Variants in OVCH1 observed in about 807,000 individuals in gnomAD.
OVCH1 encodes the protein ovochymase-1.
OVCH1 carries 139 observed loss-of-function variants against 138.4 expected under a neutral mutation model. The ratio of observed to expected loss-of-function variants is 1.00; its 90% confidence interval spans 0.87 to 1.16. OVCH1 has a LOEUF of 1.16. Among genes scored for constraint, OVCH1 ranks in the 50% most tolerant of loss-of-function variants. The pLI is 0.00. For synonymous variants in OVCH1, 453 were observed against 467.8 expected (o/e 0.97, Z 0.41); for missense variants, 1,367 against 1,357.9 (o/e 1.01, Z -0.11).
chr12:29,464,687 G>A (rs1942256630), exon 18 of OVCH1: 1 of 1,612,412 alleles, frequency 6.2e-7, no homozygotes, highest in Non-Finnish European at 8.5e-7. Context: ...ACTATTATGT[G>A]TTTGGCCCTT....
chr12:29,491,826 C>T lies in OVCH1; in HGVS notation c.455-634G>A, dbSNP rs531867787. ...AATCTAGAAGGAAAAAAACATATTA[C>T]CAAAAATGGAATGTTCTTGATTTCT... On this transcript the variant is annotated intron_variant, in intron 4 of 27. Coordinates refer to ENST00000318184, the Ensembl canonical transcript of OVCH1. Among the ~76,000 whole-genome samples the T allele has an allele frequency of 1.4e-4, 22 of 152,128 alleles. No homozygotes were observed. In the East Asian group the frequency reaches 4.1e-3, roughly 28 times the overall value.
In OVCH1 at chr12:29,438,570, T is replaced by C. The variant is rs568574671; in HGVS notation, c.3264+758A>G. On this transcript the variant is annotated intron_variant, in intron 26 of 27. Coordinates refer to ENST00000318184, the Ensembl canonical transcript of OVCH1. ...CTTTCAGTTTTGGAACATGGTACTT[T>C]TATCTATGCAAATCTTTGTGTGTTT... Among the ~76,000 whole-genome samples, 9 of 152,318 alleles carry C rather than the reference T, an allele frequency of 5.9e-5. No individual in the cohort carries two copies. In the South Asian group the frequency reaches 1.7e-3, roughly 28 times the overall value.
At chr12:29,482,045 C>T (rs959729461) in intron 8 of OVCH1, among the ~76,000 whole-genome samples, 3 of 152,202 alleles carry the variant, frequency 2.0e-5, no homozygotes, top group Non-Finnish European at 2.9e-5. Context: ...AGTCTATCTG[C>T]AACCCAGTAA....
chr12:29,444,098 A>AT lies in OVCH1; in HGVS notation c.3017+46dup, dbSNP rs765676876. 2.6e-6 allele frequency: 4 copies of AT among 1,540,406 alleles called. No homozygotes were observed. In the Admixed American group the frequency reaches 8.3e-5, roughly 32 times the overall value. On this transcript the variant is annotated intron_variant, in intron 24 of 27. Transcript: ENST00000318184. ...ACCAAGTGTTGATGTCAGTCAAGCA[A>AT]TTTTTTCCACACACTTCTTCCATTA...
intron 3 of OVCH1, among the ~76,000 whole-genome samples, chr12:29,421,163 C>T (rs1002563633): frequency 1.3e-5 from 2 of 152,204 alleles, no homozygotes; most frequent in African/African-American, 4.8e-5. Flanking sequence ...TGCAGCACAG[C>T]TACCAACCAA....
intron 22 of OVCH1, among the ~76,000 whole-genome samples, chr12:29,449,773 G>T (rs977328613): frequency 6.6e-6 from 1 of 152,082 alleles, no homozygotes; most frequent in African/African-American, 2.4e-5. Flanking sequence ...ATACTGCAAG[G>T]CTACAGTAAC....
At chr12:29,479,823 T>TC (rs1231101762) in intron 8 of OVCH1, among the ~76,000 whole-genome samples, 4 of 131,802 alleles carry the variant, frequency 3.0e-5, no homozygotes, top group Non-Finnish European at 5.2e-5. Context: ...CTCTTTTTTT[T>TC]CTTTTTTTTT....
chr12:29,405,572 G>A, the OVCH1 span, among the ~76,000 whole-genome samples: 100,255 of 152,082 alleles, frequency 0.66, 34,610 homozygotes, highest in Middle Eastern at 0.86. Context: ...TCTCTCTGAC[G>A]CTGTAATGAT....
At chr12:29,415,555 C>T (rs1209498703) in intron 3 of OVCH1, among the ~76,000 whole-genome samples, 1 of 152,126 alleles carries the variant, frequency 6.6e-6, no homozygotes, top group Non-Finnish European at 1.5e-5. Context: ...ATACCATTTA[C>T]AACCACAATG....
chr12:29,435,578 TCTC>T lies in OVCH1; in HGVS notation c.3265-1768_3265-1766del, dbSNP rs1941343741. Reference sequence around the variant, plus strand: ...ACTGTGTTAGCCAGGATGGTCTTGATCTCCTGACCCCGTGATCCGCCCACCTCG... The same window carrying T: ...ACTGTGTTAGCCAGGATGGTCTTGATCTGACCCCGTGATCCGCCCACCTCG... On this transcript the variant is annotated intron_variant, in intron 26 of 27. Coordinates refer to ENST00000318184, the Ensembl canonical transcript of OVCH1. 3.3e-5 allele frequency among the ~76,000 whole-genome samples: 5 copies of T among 152,110 alleles called. No homozygotes were observed. In the South Asian group the frequency reaches 1.0e-3, roughly 32 times the overall value.
At chr12:29,430,963 C>G (rs898579139) in intron 27 of OVCH1, 1 of 512,514 alleles carries the variant, frequency 2.0e-6, no homozygotes, top group African/African-American at 1.9e-5. Context: ...TGCTAAGGCA[C>G]CAAGCAATCT....
intron 22 of OVCH1, among the ~76,000 whole-genome samples, chr12:29,445,883 A>G (rs1281847437): frequency 6.6e-6 from 1 of 152,142 alleles, no homozygotes; most frequent in East Asian, 1.9e-4. Flanking sequence ...AAAATGATTC[A>G]GAGGGCTGAT....
intron 3 of OVCH1, among the ~76,000 whole-genome samples, chr12:29,422,438 GA>G (rs1480083787): frequency 2.0e-5 from 3 of 152,170 alleles, no homozygotes; most frequent in African/African-American, 7.2e-5. Context: ...ACATTTCACT[GA>G]AGGTTGGTCA....
intron 3 of OVCH1, among the ~76,000 whole-genome samples, chr12:29,415,644 A>G (rs915405444): frequency 6.6e-6 from 1 of 152,182 alleles, no homozygotes; most frequent in Admixed American, 6.5e-5. Context: ...AATTCTGGAG[A>G]TGGAAATCAA....
chr12:29,444,252 A>G, exon 24 of OVCH1: 1 of 1,611,266 alleles, frequency 6.2e-7, no homozygotes, highest in African/African-American at 1.3e-5. Context: ...AACTTTGGGA[A>G]AGTCTGGTTA....
chr12:29,424,514 C>T (rs756587605), downstream of OVCH1, among the ~76,000 whole-genome samples: 19 of 152,054 alleles, frequency 1.2e-4, no homozygotes, highest in Non-Finnish European at 1.8e-4. Context: ...GAGCATAAGG[C>T]GGTAGGTAGG....
chr12:29,417,780 TG>T (rs1941051291), intron 3 of OVCH1, among the ~76,000 whole-genome samples: 1 of 146,228 alleles, frequency 6.8e-6, no homozygotes, highest in Non-Finnish European at 1.5e-5. Context: ...TGTGTGTGTG[TG>T]TGTGTGTGTG....
At chr12:29,497,530 C>A in intron 1 of OVCH1, 93 bp downstream of exon 1, 6 of 1,464,118 alleles carry the variant, frequency 4.1e-6, no homozygotes, top group Admixed American at 4.0e-5. Flanking sequence ...GGCTATACCA[C>A]CCCGACTTCC....
chr12:29,480,977 T>A (rs1249291339), intron 8 of OVCH1, among the ~76,000 whole-genome samples: 3 of 152,144 alleles, frequency 2.0e-5, no homozygotes, highest in Non-Finnish European at 4.4e-5. Flanking sequence ...TCTTACGATT[T>A]CTGTAGACCT....
Sources: allele counts gnomAD v4.1 joint callset (sites outside exome capture counted in the v4.1 genomes callset), GRCh38; gene constraint gnomAD v4.1.1; transcripts MANE v1.5; gene names NCBI Gene and HGNC (gene_info 2026-07-23, HGNC 2026-07-21).